DRC11: variants seen among roughly 807,000 people sequenced by gnomAD.
The protein encoded by DRC11 is dynein regulatory complex subunit 11, also known as IQ and AAA domain-containing protein 1.
chr2:236,408,971 G>A, the DRC11 span: 1 of 708,962 alleles, frequency 1.4e-6, no homozygotes, highest in East Asian at 2.7e-5. This position sits in a 1 kb window ranked among gnomAD's most constrained non-coding sequence, Gnocchi z 5.5. Context: ...GCTTGGAAGG[G>A]TCATCCTTAG....
chr2:236,311,697 C>CGTGCGTGTGTGT, the DRC11 span, among the ~76,000 whole-genome samples: 167 of 138,798 alleles, frequency 1.2e-3, no homozygotes, highest in African/African-American at 4.2e-3. This position sits in a 1 kb window ranked among gnomAD's most constrained non-coding sequence, Gnocchi z 6.9. Context: ...GGATGGGGTG[C>CGTGCGTGTGTGT]GTGTGTGTGT....
the DRC11 span, among the ~76,000 whole-genome samples, chr2:236,349,666 T>G: frequency 0.23 from 35,362 of 152,162 alleles, 4,779 homozygotes; most frequent in African/African-American, 0.38. The surrounding 1 kb of genome is among the most constrained non-coding windows in gnomAD (Gnocchi z 5.5). Context: ...AAGTGGCAGC[T>G]AAACAGTGAG....
the DRC11 span, among the ~76,000 whole-genome samples, chr2:236,461,884 G>A: frequency 0.079 from 12,005 of 152,146 alleles, 640 homozygotes; most frequent in Non-Finnish European, 0.12. This position sits in a 1 kb window ranked among gnomAD's most constrained non-coding sequence, Gnocchi z 4.0. Flanking sequence ...AGCTCAAGGA[G>A]GAGACAGAAG....
At chr2:236,366,476 G>A in the DRC11 span, among the ~76,000 whole-genome samples, 11 of 152,268 alleles carry the variant, frequency 7.2e-5, no homozygotes, top group African/African-American at 2.4e-4. Flanking sequence ...TCTGCCTAAC[G>A]TTTCTATGCA....
At chr2:236,373,671 A>G in the DRC11 span, among the ~76,000 whole-genome samples, 28,745 of 152,150 alleles carry the variant, frequency 0.19, 2,997 homozygotes, top group Non-Finnish European at 0.23. Context: ...TTGCATGGGC[A>G]TTGACCTTGA....
chr2:236,412,052 A>G, the DRC11 span, among the ~76,000 whole-genome samples: 555 of 151,120 alleles, frequency 3.7e-3, 3 homozygotes, highest in Non-Finnish European at 5.8e-3. Context: ...ATAATAATAA[A>G]AAAAAAAGAA....
the DRC11 span, among the ~76,000 whole-genome samples, chr2:236,444,631 G>A: frequency 8.1e-4 from 123 of 152,222 alleles, no homozygotes; most frequent in Middle Eastern, 3.4e-3. Flanking sequence ...TCCACTTCCG[G>A]ATACTTTCTG....
chr2:236,345,844 T>C, the DRC11 span, among the ~76,000 whole-genome samples: 2 of 152,356 alleles, frequency 1.3e-5, no homozygotes, highest in African/African-American at 4.8e-5. Flanking sequence ...TAAAACATCA[T>C]TAAGGCAGCA....
the DRC11 span, among the ~76,000 whole-genome samples, chr2:236,421,656 T>C: frequency 2.0e-5 from 3 of 152,202 alleles, no homozygotes; most frequent in South Asian, 2.1e-4. Flanking sequence ...TACCATTCCT[T>C]CTGAAACTAT....
At chr2:236,357,922 A>G in the DRC11 span, among the ~76,000 whole-genome samples, 14 of 117,094 alleles carry the variant, frequency 1.2e-4, no homozygotes, top group Non-Finnish European at 2.3e-4. Flanking sequence ...CATATACTAT[A>G]TAAATTCATA....
the DRC11 span, among the ~76,000 whole-genome samples, chr2:236,403,751 T>C: frequency 6.6e-6 from 1 of 152,224 alleles, no homozygotes; most frequent in East Asian, 1.9e-4. Context: ...TATTTACCTG[T>C]GAACCTTTCC....
the DRC11 span, among the ~76,000 whole-genome samples, chr2:236,468,897 A>T: frequency 6.6e-6 from 1 of 152,242 alleles, no homozygotes; most frequent in Non-Finnish European, 1.5e-5. Context: ...TCTCCAAATT[A>T]CGTTGTTCCT....
At chr2:236,495,650 A>G in the DRC11 span, among the ~76,000 whole-genome samples, 1 of 152,208 alleles carries the variant, frequency 6.6e-6, no homozygotes, top group Non-Finnish European at 1.5e-5. This position sits in a 1 kb window ranked among gnomAD's most constrained non-coding sequence, Gnocchi z 5.6. Flanking sequence ...TGGGGAACTC[A>G]TGGAACCAAG....
the DRC11 span, among the ~76,000 whole-genome samples, chr2:236,472,853 G>T: frequency 6.6e-6 from 1 of 152,088 alleles, no homozygotes; most frequent in Admixed American, 6.6e-5. The surrounding 1 kb of genome is among the most constrained non-coding windows in gnomAD (Gnocchi z 4.6). Flanking sequence ...TGTCTGCCTG[G>T]GAAGCGCACA....
At chr2:236,332,561 A>AT in the DRC11 span, 1 of 152,170 alleles carries the variant, frequency 6.6e-6, no homozygotes, top group Admixed American at 6.5e-5. This position sits in a 1 kb window ranked among gnomAD's most constrained non-coding sequence, Gnocchi z 5.1. Flanking sequence ...ACTTGAAACC[A>AT]TTTTTTAAAA....
At chr2:236,309,299 C>T in the DRC11 span, among the ~76,000 whole-genome samples, 1 of 152,194 alleles carries the variant, frequency 6.6e-6, no homozygotes, top group Non-Finnish European at 1.5e-5. The surrounding 1 kb of genome is among the most constrained non-coding windows in gnomAD (Gnocchi z 5.7). Context: ...ACAAAATCGG[C>T]CCAGTGAAAA....
At chr2:236,497,155 G>A in the DRC11 span, 6 of 1,595,874 alleles carry the variant, frequency 3.8e-6, no homozygotes, top group Non-Finnish European at 8.5e-7. The surrounding 1 kb of genome is among the most constrained non-coding windows in gnomAD (Gnocchi z 5.1). Context: ...AAACAACAGA[G>A]TGCTTACGGG....
At chr2:236,503,294 G>T in the DRC11 span, among the ~76,000 whole-genome samples, 702 of 152,302 alleles carry the variant, frequency 4.6e-3, 4 homozygotes, top group African/African-American at 0.015. The surrounding 1 kb of genome is among the most constrained non-coding windows in gnomAD (Gnocchi z 4.9). Context: ...AACCACAGCC[G>T]ACCTGATGGG....
chr2:236,414,562 G>C, the DRC11 span, among the ~76,000 whole-genome samples: 1 of 152,112 alleles, frequency 6.6e-6, no homozygotes, highest in Non-Finnish European at 1.5e-5. Context: ...CTGGCCTCAA[G>C]TGATCCTCCT....
Sources: gnomAD v4.1 joint callset for allele counts (sites outside exome capture counted in the v4.1 genomes callset) on GRCh38, gnomAD v4.1.1 for gene constraint, Gnocchi (gnomAD v3.1) non-coding constraint, MANE v1.5 for transcripts, NCBI Gene and HGNC (gene_info 2026-07-23, HGNC 2026-07-21) for gene names.